Variants in MAGI2 observed in about 807,000 individuals in gnomAD.
The protein encoded by MAGI2 is membrane-associated guanylate kinase, WW and PDZ domain-containing protein 2.
In MAGI2, 35 loss-of-function variants were observed where a neutral mutation model predicts 133.3. The observed-to-expected ratio is 0.26, with a 90% CI of 0.20 to 0.35. MAGI2 has a LOEUF of 0.35. Among genes scored for constraint, MAGI2 ranks in the 10% least tolerant of loss-of-function variants. The pLI is 1.00. For synonymous variants in MAGI2, 729 were observed against 710.6 expected, an observed-to-expected ratio of 1.03 and a Z score of -0.41; for missense variants, 1,636 against 1,863.4, an observed-to-expected ratio of 0.88 and a Z score of 2.25.
rs149421563 is a variant in MAGI2, at chr7:79,041,729, A to G, written c.302-34523T>C. Among the ~76,000 whole-genome samples the G allele has an allele frequency of 4.3e-3, 657 of 152,296 alleles. 3 individuals carry two copies. The highest frequency in any genetic ancestry group is 0.017 in the Middle Eastern group (5 of 294). ...ACACATAATTTCAAATGTTTCTGAC[A>G]TATTTCTAAGATGACTTAATAGGGA... On this transcript the variant is annotated intron_variant, in intron 1 of 21. Coordinates refer to ENST00000354212, the MANE Select transcript of MAGI2 (RefSeq NM_012301.4).
rs57172659 is a variant in MAGI2, at chr7:79,418,830, TACACACACACAC to T, written c.301+34178_301+34189del. Among the ~76,000 whole-genome samples the T allele has an allele frequency of 6.7e-4, 93 of 137,920 alleles. 1 individual carries two copies. The highest frequency in any genetic ancestry group is 6.6e-3 in the East Asian group (32 of 4,864). 90.5% of individuals were successfully genotyped at this position (137,920 alleles called of 152,430 possible). ...AAAAAAAAGCAAGTTCCAATACACATACACACACACACACACACACACACACACACACACACA... is the reference window on the plus strand; with the variant it reads ...AAAAAAAAGCAAGTTCCAATACACATACACACACACACACACACACACACA... On this transcript the variant is annotated intron_variant, in intron 1 of 21. Transcript: ENST00000354212.
intron 2 of MAGI2, among the ~76,000 whole-genome samples, chr7:78,870,169 G>A (rs1022201393): frequency 6.6e-6 from 1 of 151,702 alleles, no homozygotes; most frequent in East Asian, 1.9e-4. Context: ...GGGCAACATG[G>A]CAAAACTCCA....
At chr7:78,313,307 T>C (rs1179528669) in intron 9 of MAGI2, among the ~76,000 whole-genome samples, 1 of 152,082 alleles carries the variant, frequency 6.6e-6, no homozygotes, top group Non-Finnish European at 1.5e-5. Context: ...AATATATCTA[T>C]GTAACAAAAT....
At chr7:79,163,799 T>A (rs1477375864) in intron 1 of MAGI2, among the ~76,000 whole-genome samples, 2 of 152,082 alleles carry the variant, frequency 1.3e-5, no homozygotes, top group Non-Finnish European at 2.9e-5. Flanking sequence ...CTTTTTGATA[T>A]TTGTTACTAT....
At chr7:78,048,237 AG>A (rs1454071522) in intron 21 of MAGI2, among the ~76,000 whole-genome samples, 1 of 152,216 alleles carries the variant, frequency 6.6e-6, no homozygotes, top group African/African-American at 2.4e-5. Context: ...TTCTATATGC[AG>A]GGTATGTTAA....
intron 9 of MAGI2, among the ~76,000 whole-genome samples, chr7:78,275,280 C>T (rs1325085872): frequency 6.6e-6 from 1 of 152,212 alleles, no homozygotes; most frequent in Non-Finnish European, 1.5e-5. Flanking sequence ...GCTGCACCCA[C>T]TGTCCAACCA....
intron 6 of MAGI2, among the ~76,000 whole-genome samples, chr7:78,381,708 C>A (rs957204316): frequency 1.3e-5 from 2 of 152,108 alleles, no homozygotes; most frequent in Non-Finnish European, 2.9e-5. Context: ...AGATGTTCTA[C>A]CTCCTTCATT....
chr7:78,684,208 A>T (rs1444784144), intron 2 of MAGI2, among the ~76,000 whole-genome samples: 2 of 152,194 alleles, frequency 1.3e-5, no homozygotes, highest in East Asian at 3.9e-4. Context: ...TAGATTCTCC[A>T]AACATATTTC....
chr7:78,019,417 G>A lies in MAGI2; in HGVS notation c.4266C>T (p.Ala1422=). 2 of 1,106,142 alleles carry A rather than the reference G, an allele frequency of 1.8e-6. No homozygotes were observed. Among genetic ancestry groups the A allele is most frequent in the Non-Finnish European group, 1.1e-6 (1 of 909,618 alleles). The allele number at this position is 1,106,142 out of a possible 1,614,324, so 68.5% of individuals were successfully genotyped here. Residue 1422 remains alanine, a synonymous_variant, in exon 22 of 22, where the codon GCC becomes GCT. Coordinates refer to ENST00000354212, the MANE Select transcript of MAGI2 (RefSeq NM_012301.4). The part of the protein sequence containing the change: ...PRPGPRPPGG[A]PARKAAVAPG... The stretch of plus-strand genomic sequence containing the variant: ...GCGCGACGGCGGCCTTGCGCGCCGG[G>A]GCGCCCCCCGGGGGTCGCGGGCCCG...
chr7:78,932,064 C>T (rs746520165), intron 2 of MAGI2, among the ~76,000 whole-genome samples: 2 of 151,524 alleles, frequency 1.3e-5, no homozygotes, highest in Non-Finnish European at 2.9e-5. Flanking sequence ...CCCTCCCCTC[C>T]TGGCCTCCTT....
At chr7:78,835,152 C>T (rs1170867138) in intron 2 of MAGI2, among the ~76,000 whole-genome samples, 1 of 152,120 alleles carries the variant, frequency 6.6e-6, no homozygotes, top group African/African-American at 2.4e-5. Context: ...TGAAGGACTG[C>T]CAGATTGTTT....
At chr7:78,700,078 G>A (rs991615745) in intron 2 of MAGI2, among the ~76,000 whole-genome samples, 8 of 152,046 alleles carry the variant, frequency 5.3e-5, no homozygotes, top group Non-Finnish European at 7.4e-5. Flanking sequence ...TTCTCATACT[G>A]AGAAAAAGCC....
At chr7:78,832,118 A>G (rs73702983) in intron 2 of MAGI2, among the ~76,000 whole-genome samples, 13,251 of 151,964 alleles carry the variant, frequency 0.087, 763 homozygotes, top group East Asian at 0.2. Flanking sequence ...TGAATTAGAA[A>G]CATGATGAAC....
chr7:79,158,079 A>T (rs1222666754), intron 1 of MAGI2, among the ~76,000 whole-genome samples: 1 of 151,916 alleles, frequency 6.6e-6, no homozygotes, highest in Non-Finnish European at 1.5e-5. Context: ...TCCATACCAT[A>T]TGATATAAAT....
At chr7:78,952,677 T>C (rs897773088) in intron 2 of MAGI2, among the ~76,000 whole-genome samples, 2 of 152,202 alleles carry the variant, frequency 1.3e-5, no homozygotes, top group Non-Finnish European at 2.9e-5. Flanking sequence ...TGAAATTGCT[T>C]TTGGCAAATC....
At chr7:79,272,062 G>C (rs1223102317) in intron 1 of MAGI2, among the ~76,000 whole-genome samples, 1 of 151,986 alleles carries the variant, frequency 6.6e-6, no homozygotes, top group Non-Finnish European at 1.5e-5. Flanking sequence ...CCATTTTTAT[G>C]AATTATTATT....
chr7:78,373,017 TC>T (rs1337116092), intron 6 of MAGI2, among the ~76,000 whole-genome samples: 3 of 152,170 alleles, frequency 2.0e-5, no homozygotes, highest in Non-Finnish European at 2.9e-5. Flanking sequence ...CAGTCGGGGT[TC>T]CGTTGTGTTG....
At chr7:78,613,459 A>C (rs1012088785) in intron 3 of MAGI2, among the ~76,000 whole-genome samples, 1 of 152,208 alleles carries the variant, frequency 6.6e-6, no homozygotes, top group Non-Finnish European at 1.5e-5. Context: ...GTGAAGTAAA[A>C]AATGAAGCAT....
chr7:78,339,441 T>C (rs1267903947), intron 9 of MAGI2, among the ~76,000 whole-genome samples: 1 of 152,380 alleles, frequency 6.6e-6, no homozygotes, highest in African/African-American at 2.4e-5. Flanking sequence ...AAAAAAGATT[T>C]TCTATTCAAA....
Sources: gnomAD v4.1 joint callset for allele counts (sites outside exome capture counted in the v4.1 genomes callset) on GRCh38, gnomAD v4.1.1 for gene constraint, MANE v1.5 for transcripts, NCBI Gene and HGNC (gene_info 2026-07-23, HGNC 2026-07-21) for gene names.